The following TMEFF2 variants were observed in gnomAD, a reference collection of about 807,000 sequenced individuals.
The protein encoded by TMEFF2 is tomoregulin-2.
In TMEFF2, 28 loss-of-function variants were observed where a neutral mutation model predicts 53.8. The ratio of observed to expected loss-of-function variants is 0.52; its 90% CI spans 0.39 to 0.71. The LOEUF (loss-of-function observed/expected upper bound fraction) is 0.71, where lower values mean the gene tolerates loss of function less well. TMEFF2 is among the 30% of genes least tolerant of loss of function. The probability of loss-of-function intolerance (pLI) is 0.00; values close to 1 mark genes in which losing one functional copy is unlikely to be tolerated. For missense variants in TMEFF2, 353 were observed against 455.2 expected, an observed-to-expected ratio of 0.78 and a Z score of 2.04; for synonymous variants, 162 against 166.3, an observed-to-expected ratio of 0.97 and a Z score of 0.20.
intron 5 of TMEFF2, among the ~76,000 whole-genome samples, chr2:192,004,138 A>G (rs1171356295): frequency 6.6e-6 from 1 of 152,220 alleles, no homozygotes; most frequent in Non-Finnish European, 1.5e-5. Context: ...TGGTGTTGAA[A>G]GAGTTGAAAA....
At chr2:192,061,790 A>T (rs1296175166) in intron 4 of TMEFF2, among the ~76,000 whole-genome samples, 4 of 151,970 alleles carry the variant, frequency 2.6e-5, no homozygotes, top group African/African-American at 9.7e-5. Context: ...TCACTCAGTT[A>T]GTTCACATGA....
chr2:192,006,360 T>C (rs1686501781), intron 5 of TMEFF2, among the ~76,000 whole-genome samples: 2 of 152,122 alleles, frequency 1.3e-5, no homozygotes, highest in Non-Finnish European at 2.9e-5. Context: ...GCTGCGAAAC[T>C]CTTGCCCTGG....
chr2:192,085,709 G>GAA (rs3053715), intron 4 of TMEFF2, among the ~76,000 whole-genome samples: 33,546 of 141,930 alleles, frequency 0.24, 4,037 homozygotes, highest in Middle Eastern at 0.33. Context: ...ATAGAAGCAG[G>GAA]AAAAAAAAAA....
chr2:192,071,934 G>A (rs1050055152), intron 4 of TMEFF2, among the ~76,000 whole-genome samples: 1 of 151,944 alleles, frequency 6.6e-6, no homozygotes, highest in Non-Finnish European at 1.5e-5. Context: ...TGATAGTGAT[G>A]TGGAGTTCAG....
At chr2:192,128,223 A>G (rs1163485775) in intron 4 of TMEFF2, among the ~76,000 whole-genome samples, 2 of 152,200 alleles carry the variant, frequency 1.3e-5, no homozygotes, top group African/African-American at 2.4e-5. Flanking sequence ...TTTTTGCTCA[A>G]TGTCTATACA....
chr2:192,008,028 G>A (rs971279491), intron 5 of TMEFF2, among the ~76,000 whole-genome samples: 1 of 152,164 alleles, frequency 6.6e-6, no homozygotes, highest in Non-Finnish European at 1.5e-5. Context: ...GGAGGCAGCT[G>A]TGTGTGTGAC....
intron 4 of TMEFF2, among the ~76,000 whole-genome samples, chr2:192,060,183 T>G (rs1049756108): frequency 6.6e-6 from 1 of 152,118 alleles, no homozygotes; most frequent in African/African-American, 2.4e-5. Flanking sequence ...CCAAGAAGAC[T>G]TCATCTGTCC....
chr2:192,032,620 A>G (rs1016198600), intron 5 of TMEFF2: 35 of 152,168 alleles, frequency 2.3e-4, no homozygotes, highest in African/African-American at 8.2e-4. Context: ...CCAAGGTCCC[A>G]TCCAGCCCAT....
At chr2:192,109,480 A>T (rs1019961706) in intron 4 of TMEFF2, among the ~76,000 whole-genome samples, 1 of 151,992 alleles carries the variant, frequency 6.6e-6, no homozygotes, top group East Asian at 1.9e-4. Context: ...TGACCAAGAG[A>T]TGTTAAATTT....
rs1213094654 is a variant in TMEFF2 at position 192,185,200 on chromosome 2, T to TA, written c.283-718dup. ...TTCCATAAAGAGAAAAGTTCATTTT[T>TA]AAAAAACCTCATTATTAAAAAAGTA... is the stretch of plus-strand genomic sequence containing the variant. On this transcript the variant is annotated intron_variant, in intron 2 of 9. Transcript: ENST00000272771. Among the ~76,000 whole-genome samples, 4 of 152,096 alleles carry TA rather than the reference T, an allele frequency of 2.6e-5. No individual in the cohort carries two copies. In the East Asian group the frequency reaches 7.7e-4, roughly 29 times the overall value.
At chr2:192,046,143 T>A (rs1436917332) in intron 5 of TMEFF2, among the ~76,000 whole-genome samples, 1 of 152,082 alleles carries the variant, frequency 6.6e-6, no homozygotes, top group Non-Finnish European at 1.5e-5. Flanking sequence ...GGTGGGTGGA[T>A]CACCTGAGGT....
At chr2:192,185,654 A>G (rs2106041958) in intron 2 of TMEFF2, among the ~76,000 whole-genome samples, 1 of 152,222 alleles carries the variant, frequency 6.6e-6, no homozygotes, top group South Asian at 2.1e-4. Context: ...AATGTATGCA[A>G]AAGAAAACAC....
rs1302918975 is a variant in TMEFF2, at chr2:191,976,472, G to C, written c.746-20094C>G. 2.0e-5 allele frequency among the ~76,000 whole-genome samples: 3 copies of C among 152,228 alleles called. No individual in the cohort carries two copies. In the East Asian group the frequency reaches 5.8e-4, roughly 29 times the overall value. On this transcript the variant is annotated intron_variant, in intron 7 of 9. Transcript: ENST00000272771. ...CATACATTTTCTCTGTGCTTTTCAG[G>C]TCACTTTGGCTTTGTTTTTATGGGA...
At chr2:191,977,715 TAAC>T (rs933634624) in intron 7 of TMEFF2, among the ~76,000 whole-genome samples, 3 of 152,328 alleles carry the variant, frequency 2.0e-5, no homozygotes, top group East Asian at 1.9e-4. Context: ...TACTTATTAA[TAAC>T]AACAAATCTT....
intron 4 of TMEFF2, among the ~76,000 whole-genome samples, chr2:192,096,652 C>CCCT (rs57769211): frequency 1.0e-5 from 1 of 99,224 alleles, no homozygotes; most frequent in Non-Finnish European, 1.8e-5. Flanking sequence ...TTCCTTCCTT[C>CCCT]TCTCTCTCTC....
intron 4 of TMEFF2, among the ~76,000 whole-genome samples, chr2:192,071,856 A>G (rs1468160004): frequency 6.6e-6 from 1 of 151,928 alleles, no homozygotes; most frequent in Admixed American, 6.6e-5. Context: ...ATTCATGGAT[A>G]TGGAACCCAC....
chr2:192,119,325 T>C (rs548130067), intron 4 of TMEFF2, among the ~76,000 whole-genome samples: 1 of 152,340 alleles, frequency 6.6e-6, no homozygotes, highest in East Asian at 1.9e-4. Flanking sequence ...TAGTATTCTT[T>C]ATCATTGAAA....
intron 4 of TMEFF2, among the ~76,000 whole-genome samples, chr2:192,162,098 G>T (rs1690648156): frequency 1.3e-5 from 2 of 152,158 alleles, no homozygotes; most frequent in South Asian, 4.1e-4. Flanking sequence ...TGATCTTGAT[G>T]CCTTTGGGAC....
At chr2:192,074,262 A>T (rs1308501426) in intron 4 of TMEFF2, among the ~76,000 whole-genome samples, 1 of 151,992 alleles carries the variant, frequency 6.6e-6, no homozygotes, top group Non-Finnish European at 1.5e-5. Flanking sequence ...TGTAATAATT[A>T]TATTTAGTTT....
Sources: allele counts gnomAD v4.1 joint callset (sites outside exome capture counted in the v4.1 genomes callset), GRCh38; gene constraint gnomAD v4.1.1; transcripts MANE v1.5; gene names NCBI Gene and HGNC (gene_info 2026-07-23, HGNC 2026-07-21).